ZCCHC7: variants seen among roughly 807,000 people sequenced by gnomAD.
ZCCHC7 encodes the protein zinc finger CCHC domain-containing protein 7.
Under a neutral mutation model 52.0 loss-of-function variants are expected in ZCCHC7, and 35 were observed. The ratio of observed to expected loss-of-function variants is 0.67; its 90% CI spans 0.51 to 0.89. The LOEUF (loss-of-function observed/expected upper bound fraction) is 0.89, where lower values mean the gene tolerates loss of function less well. Ranked by LOEUF, ZCCHC7 falls within the 40% of genes least tolerant of loss-of-function variation. The probability of loss-of-function intolerance (pLI) is 0.00; values close to 1 mark genes in which losing one functional copy is unlikely to be tolerated. For missense variants in ZCCHC7, 574 were observed against 649.1 expected (o/e 0.88, Z 1.26); for synonymous variants, 217 against 221.5 (o/e 0.98, Z 0.18).
At chr9:37,170,350 A>G (rs1425887489) in intron 2 of ZCCHC7, among the ~76,000 whole-genome samples, 2 of 152,200 alleles carry the variant, frequency 1.3e-5, no homozygotes, top group Non-Finnish European at 2.9e-5. Context: ...GCTACACTCA[A>G]GAGTTTTTTG....
intron 2 of ZCCHC7, among the ~76,000 whole-genome samples, chr9:37,200,358 T>C (rs1823569793): frequency 6.6e-6 from 1 of 152,230 alleles, no homozygotes; most frequent in South Asian, 2.1e-4. Context: ...TGTTTCCTGT[T>C]GCTTTAATTA....
chr9:37,160,527 A>C (rs1821039008), intron 2 of ZCCHC7, among the ~76,000 whole-genome samples: 1 of 152,052 alleles, frequency 6.6e-6, no homozygotes, highest in Non-Finnish European at 1.5e-5. Flanking sequence ...CAAAAATAAT[A>C]ATGTTGCAGC....
At chr9:37,228,835 C>CTTTTT (rs573237575) in intron 2 of ZCCHC7, among the ~76,000 whole-genome samples, 5 of 130,468 alleles carry the variant, frequency 3.8e-5, no homozygotes, top group African/African-American at 1.1e-4. Flanking sequence ...AAAGAGGGAA[C>CTTTTT]TTTTTTTTTT....
Position 37,352,511 on chromosome 9 carries a change from C to CTTTTTT in ZCCHC7, c.1084-2180_1084-2175dup, listed in dbSNP as rs869266535. ...TACCTTTGCATAATCACAATTTGCT[C>CTTTTTT]TTTTTTTTTTTTTTTTTTTTTTTTG... On this transcript the variant is annotated intron_variant, in intron 7 of 8. Coordinates refer to ENST00000336755, the MANE Select transcript of ZCCHC7 (RefSeq NM_032226.3). Among the ~76,000 whole-genome samples, 56 of 81,572 alleles carry CTTTTTT rather than the reference C, an allele frequency of 6.9e-4. 2 individuals carry two copies. Among genetic ancestry groups the CTTTTTT allele is most frequent in the African/African-American group, 2.5e-3 (45 of 17,966 alleles). The allele number at this position is 81,572 out of a possible 152,430, so 53.5% of individuals were successfully genotyped here. A position where few individuals can be genotyped will look rare whatever the true frequency, so the allele number is the denominator to read the frequency against.
intron 2 of ZCCHC7, among the ~76,000 whole-genome samples, chr9:37,191,802 G>A (rs1419747304): frequency 2.6e-5 from 4 of 152,152 alleles, no homozygotes; most frequent in Non-Finnish European, 4.4e-5. Flanking sequence ...CCTGCTCTTT[G>A]TAGCAGTCTA....
At chr9:37,159,527 C>A (rs568323884) in intron 2 of ZCCHC7, among the ~76,000 whole-genome samples, 1 of 152,174 alleles carries the variant, frequency 6.6e-6, no homozygotes, top group East Asian at 1.9e-4. Flanking sequence ...AACTGAGAAC[C>A]TTTTGATTTT....
intron 2 of ZCCHC7, among the ~76,000 whole-genome samples, chr9:37,218,084 GAC>G (rs1324737686): frequency 2.6e-5 from 4 of 152,098 alleles, no homozygotes; most frequent in Non-Finnish European, 5.9e-5. Flanking sequence ...ATGGAAAAGA[GAC>G]AAATTTAGGG....
intron 2 of ZCCHC7, among the ~76,000 whole-genome samples, chr9:37,237,029 G>A (rs1404413787): frequency 1.3e-5 from 2 of 152,012 alleles, no homozygotes; most frequent in African/African-American, 2.4e-5. Context: ...TTCCTTCTAC[G>A]CTAGCTTGTT....
chr9:37,318,191 G>A lies in ZCCHC7; in HGVS notation c.952-9608G>A, dbSNP rs1588663172. ...GCCTTACAATATAGTCATATAATGG[G>A]ATTTATTCAGCCGTTTCGAAAATGA... On this transcript the variant is annotated intron_variant, in intron 5 of 8. Transcript: ENST00000336755. 6.6e-5 allele frequency among the ~76,000 whole-genome samples: 10 copies of A among 151,978 alleles called. 1 individual carries two copies. In the South Asian group the frequency reaches 2.1e-3, roughly 32 times the overall value.
chr9:37,162,132 G>A (rs952289949), intron 2 of ZCCHC7, among the ~76,000 whole-genome samples: 3 of 151,920 alleles, frequency 2.0e-5, no homozygotes, highest in African/African-American at 7.3e-5. Context: ...TAGCAAAGTG[G>A]TACTTTTGTA....
chr9:37,246,553 A>G (rs1158184615), intron 2 of ZCCHC7, among the ~76,000 whole-genome samples: 2 of 152,216 alleles, frequency 1.3e-5, no homozygotes, highest in African/African-American at 4.8e-5. Flanking sequence ...ACATTGCTAT[A>G]AAACTGGTGT....
At chr9:37,337,392 T>G (rs923847795) in intron 6 of ZCCHC7, among the ~76,000 whole-genome samples, 5 of 13,764 alleles carry the variant, frequency 3.6e-4, no homozygotes, top group Admixed American at 1.7e-3. Flanking sequence ...CACCCCACCC[T>G]ACCCACCCAC....
Position 37,354,703 on chromosome 9 carries a change from T to C in ZCCHC7, c.1084-7T>C, listed in dbSNP as rs371074352. 3.1e-6 allele frequency: 5 copies of C among 1,590,072 alleles called. No individual in the cohort carries two copies. Among genetic ancestry groups the C allele is most frequent in the Non-Finnish European group, 3.4e-6 (4 of 1,159,752 alleles). Reference sequence around the variant, plus strand: ...TGTGACATCATAATTTTACATACAATTTATAGGAATGTCCAGAAAGAGAAG... The same window carrying C: ...TGTGACATCATAATTTTACATACAACTTATAGGAATGTCCAGAAAGAGAAG... On this transcript the variant is annotated splice_region_variant and splice_polypyrimidine_tract_variant and intron_variant, in intron 7 of 8. Transcript: ENST00000336755. The surrounding 1 kb of genome is among the most constrained non-coding windows in gnomAD (Gnocchi z 4.0).
intron 2 of ZCCHC7, among the ~76,000 whole-genome samples, chr9:37,201,750 A>G (rs1823640974): frequency 3.3e-5 from 5 of 152,240 alleles, no homozygotes; most frequent in Admixed American, 3.3e-4. Context: ...GGATGTGAAA[A>G]GGGCAGAGTA....
intron 2 of ZCCHC7, among the ~76,000 whole-genome samples, chr9:37,261,675 T>C (rs553703109): frequency 1.3e-5 from 2 of 152,320 alleles, no homozygotes; most frequent in South Asian, 4.1e-4. Context: ...GAAAAAGGCT[T>C]GGAAGTACTA....
intron 2 of ZCCHC7, among the ~76,000 whole-genome samples, chr9:37,202,007 A>C (rs1396994778): frequency 6.6e-6 from 1 of 152,224 alleles, no homozygotes; most frequent in Non-Finnish European, 1.5e-5. Flanking sequence ...GCTTCTATTC[A>C]CAAGTGTTTC....
Position 37,302,237 on chromosome 9 carries a change from A to G in ZCCHC7, c.654+6A>G, listed in dbSNP as rs1325172743. The G allele has an allele frequency of 6.3e-7, 1 of 1,599,608 alleles. No individual in the cohort carries two copies. The highest frequency in any genetic ancestry group is 1.3e-5 in the African/African-American group (1 of 74,676). On this transcript the variant is annotated splice_donor_region_variant and intron_variant, in intron 3 of 8. Coordinates refer to ENST00000336755, the MANE Select transcript of ZCCHC7 (RefSeq NM_032226.3). Reference sequence around the variant, plus strand: ...TCAGTGACAAAGACATTGAGGTAAAATCAAATTGTTTTTAAAATTCAGAAT... The same window carrying G: ...TCAGTGACAAAGACATTGAGGTAAAGTCAAATTGTTTTTAAAATTCAGAAT...
At chr9:37,322,037 A>T (rs1008222334) in intron 5 of ZCCHC7, among the ~76,000 whole-genome samples, 14 of 151,898 alleles carry the variant, frequency 9.2e-5, no homozygotes, top group African/African-American at 3.4e-4. Context: ...TTTTCAGGGG[A>T]TTTTTTTGTT....
At chr9:37,285,900 A>C (rs937910787) in intron 2 of ZCCHC7, among the ~76,000 whole-genome samples, 1 of 152,220 alleles carries the variant, frequency 6.6e-6, no homozygotes, top group East Asian at 1.9e-4. Flanking sequence ...ATTATATAAT[A>C]AAAGTTAACC....
Sources: gnomAD v4.1 joint callset for allele counts (sites outside exome capture counted in the v4.1 genomes callset) on GRCh38, gnomAD v4.1.1 for gene constraint, Gnocchi (gnomAD v3.1) non-coding constraint, MANE v1.5 for transcripts, NCBI Gene and HGNC (gene_info 2026-07-23, HGNC 2026-07-21) for gene names.